The following SFPQ variants were observed in gnomAD, a reference collection of about 807,000 sequenced individuals.
SFPQ encodes the protein splicing factor proline and glutamine rich, also known as splicing factor, proline- and glutamine-rich.
In SFPQ, 11 loss-of-function variants were observed where a neutral mutation model predicts 72.9. The observed-to-expected ratio is 0.15, with a 90% CI of 0.09 to 0.25. The LOEUF is 0.25. Ranked by LOEUF, SFPQ falls within the 10% of genes least tolerant of loss-of-function variation. SFPQ has a pLI of 1.00. For synonymous variants in SFPQ, 506 were observed against 367.3 expected (o/e 1.38, Z -4.32); for missense variants, 847 against 993.3 (o/e 0.85, Z 1.98).
rs1367339996 is a variant in SFPQ, at chr1:35,191,994, T to C, written c.828+228A>G. On this transcript the variant is annotated intron_variant, in intron 1 of 9. Coordinates refer to ENST00000357214, the MANE Select transcript of SFPQ (RefSeq NM_005066.3). Reference sequence around the variant, plus strand: ...CCGACCACCGCGGCCCCGCGCTTCCTTCCGAAAGGAAACCTCCCCTAGCCT... The same window carrying C: ...CCGACCACCGCGGCCCCGCGCTTCCCTCCGAAAGGAAACCTCCCCTAGCCT... Among the ~76,000 whole-genome samples the C allele has an allele frequency of 2.6e-5, 4 of 152,120 alleles. No individual in the cohort carries two copies. The East Asian group carries it at 5.8e-4, about 22-fold the overall frequency.
chr1:35,191,590 G>A (rs1639999317), intron 1 of SFPQ, 61 bp from the exon 2 acceptor site: 6 of 1,327,886 alleles, frequency 4.5e-6, no homozygotes, highest in Non-Finnish European at 6.3e-6. Context: ...AAATCCCCAA[G>A]ATAGTATTTG....
chr1:35,179,911 T>C, downstream of SFPQ: 1 of 1,055,070 alleles, frequency 9.5e-7, no homozygotes, highest in Non-Finnish European at 1.1e-6. Context: ...CTATGTAATT[T>C]AGTGATACTC....
rs566723766 is a variant in SFPQ at position 35,188,404 on chromosome 1, G to A, written c.1698-314C>T. Among the ~76,000 whole-genome samples the A allele has an allele frequency of 9.8e-5, 15 of 152,312 alleles. No individual in the cohort carries two copies. In the East Asian group the frequency reaches 1.7e-3, roughly 18 times the overall value. ...TCAGAATATAAATGTTAGTGCATAAGTCAAGGATTAAGGCCAGGGTTGGTA... is the reference window on the plus strand; with the variant it reads ...TCAGAATATAAATGTTAGTGCATAAATCAAGGATTAAGGCCAGGGTTGGTA... On this transcript the variant is annotated intron_variant, in intron 6 of 9. Coordinates refer to ENST00000357214, the MANE Select transcript of SFPQ (RefSeq NM_005066.3).
rs952567768 is a variant in SFPQ at position 35,183,809 on chromosome 1, A to G, written c.*647T>C. 2.8e-6 allele frequency: 3 copies of G among 1,055,786 alleles called. No individual in the cohort carries two copies. The African/African-American group carries it at 5.0e-5, about 17-fold the overall frequency. The allele number at this position is 1,055,786 out of a possible 1,614,324, so 65.4% of individuals were successfully genotyped here. On this transcript the variant is annotated 3_prime_UTR_variant, in exon 10 of 10. Coordinates refer to ENST00000357214, the MANE Select transcript of SFPQ (RefSeq NM_005066.3). Reference sequence around the variant, plus strand: ...ACTTTCACCCCCTACCAATTGTCTTACACCCATTCCACAATCTTAATACAT... The same window carrying G: ...ACTTTCACCCCCTACCAATTGTCTTGCACCCATTCCACAATCTTAATACAT...
Position 35,193,058 on chromosome 1 carries a change from T to C in SFPQ, c.-9A>G, listed in dbSNP as rs1300316799. 1 of 1,552,678 alleles carries C rather than the reference T, an allele frequency of 6.4e-7. No homozygotes were observed. The highest frequency in any genetic ancestry group is 2.4e-5 in the East Asian group (1 of 40,848). ...AACCGATCCCGAGACATGTCTGTGG[T>C]CAAGGGGCGGTCGAGGCAAAAGCGA... On this transcript the variant is annotated 5_prime_UTR_variant, in exon 1 of 10. Coordinates refer to ENST00000357214, the MANE Select transcript of SFPQ (RefSeq NM_005066.3).
At chr1:35,181,516 G>A, downstream of SFPQ, 2 of 1,063,142 alleles carry the variant, frequency 1.9e-6, no homozygotes, top group African/African-American at 1.6e-5. Flanking sequence ...AATGTTCTAA[G>A]CAAAGAGGAT....
Position 35,192,307 on chromosome 1 carries a change from TG to T in SFPQ, c.742del (p.His248ThrfsTer38). ...GGEPRGGRQH[H>X]PPYHQQHHQG... ...GTGATGCTGCTGGTGGTAGGGCGGG[TG>T]GTGCTGGCGGCCCCCGCGGGGCTCC... is the stretch of plus-strand genomic sequence containing the variant. On this transcript the variant is annotated frameshift_variant, in exon 1 of 10. Transcript: ENST00000357214. LOFTEE classifies it high-confidence loss of function. 1 of 1,446,692 alleles carries T rather than the reference TG, an allele frequency of 6.9e-7. No homozygotes were observed. The highest frequency in any genetic ancestry group is 9.0e-7 in the Non-Finnish European group (1 of 1,109,946). The allele number at this position is 1,446,692 out of a possible 1,614,324, so 89.6% of individuals were successfully genotyped here.
At chr1:35,180,203 T>G, downstream of SFPQ, 2 of 1,051,606 alleles carry the variant, frequency 1.9e-6, no homozygotes, top group Non-Finnish European at 2.3e-6. Context: ...ACATTATACA[T>G]GAAAACTGTC....
chr1:35,187,881 G>T, intron 7 of SFPQ, 92 bp downstream of exon 7: 1 of 748,294 alleles, frequency 1.3e-6, no homozygotes, highest in Non-Finnish European at 2.2e-6. Flanking sequence ...GAAAATAACT[G>T]TAATTTGATA....
rs980985132 is a variant in SFPQ at position 35,192,384 on chromosome 1, C to G, written c.666G>C (p.Pro222=). 9.2e-6 allele frequency: 13 copies of G among 1,409,122 alleles called. No homozygotes were observed. The highest frequency in any genetic ancestry group is 4.6e-5 in the African/African-American group (3 of 65,932). The allele number at this position is 1,409,122 out of a possible 1,614,324, so 87.3% of individuals were successfully genotyped here. The part of the protein sequence containing the change: ...MPGGPKPGGG[P]GLSTPGGHPK... ...GGTGGCCGCCAGGCGTACTTAGGCCCGGGCCGCCACCTGGCTTCGGCCCGC... is the reference window on the plus strand; with the variant it reads ...GGTGGCCGCCAGGCGTACTTAGGCCGGGGCCGCCACCTGGCTTCGGCCCGC... The change falls in exon 1 of 10, where the codon CCG becomes CCC. Residue 222 remains proline (P), a synonymous_variant. Coordinates refer to ENST00000357214, the MANE Select transcript of SFPQ (RefSeq NM_005066.3).
chr1:35,191,620 T>C, intron 1 of SFPQ, 91 bp from the exon 2 acceptor site: 1 of 975,910 alleles, frequency 1.0e-6, no homozygotes, highest in Non-Finnish European at 1.5e-6. Context: ...AACCTATCAG[T>C]TGCCTTTCTG....
chr1:35,192,401 T>C lies in SFPQ; in HGVS notation c.649A>G (p.Lys217Glu). 1 of 1,420,698 alleles carries C rather than the reference T, an allele frequency of 7.0e-7. No homozygotes were observed. The highest frequency in any genetic ancestry group is 9.1e-7 in the Non-Finnish European group (1 of 1,095,492). 88.0% of individuals were successfully genotyped at this position (1,420,698 alleles called of 1,614,324 possible). A position where few individuals can be genotyped will look rare whatever the true frequency, so the allele number is the denominator to read the frequency against. Residue 217 changes from lysine to glutamate, a missense_variant, in exon 1 of 10, where the codon AAG (lysine) becomes GAG (glutamate). Coordinates refer to ENST00000357214, the MANE Select transcript of SFPQ (RefSeq NM_005066.3). ...CTTAGGCCCGGGCCGCCACCTGGCT[T>C]CGGCCCGCCAGGCATTTTGCCGCCT... is the stretch of plus-strand genomic sequence containing the variant. ...PKGGKMPGGP[K>E]PGGGPGLSTP...
intron 4 of SFPQ, chr1:35,177,659 A>G (rs1271938820): frequency 6.5e-6 from 1 of 153,732 alleles, no homozygotes; most frequent in African/African-American, 2.4e-5. Flanking sequence ...TCTTAAGTAA[A>G]AAAAGAATCA....
chr1:35,186,970 C>T (rs1639750343), intron 9 of SFPQ, 31 bp downstream of exon 9: 2 of 1,576,840 alleles, frequency 1.3e-6, no homozygotes, highest in South Asian at 1.1e-5. Flanking sequence ...ATGAGAATTT[C>T]CTTGGTACTA....
In SFPQ at chr1:35,192,570, G is replaced by A. The variant is rs973103016; in HGVS notation, c.480C>T (p.Ala160=). 2.6e-5 allele frequency: 35 copies of A among 1,335,446 alleles called. No homozygotes were observed. Among genetic ancestry groups the A allele is most frequent in the African/African-American group, 4.6e-5 (3 of 64,712 alleles). 82.7% of individuals were successfully genotyped at this position (1,335,446 alleles called of 1,614,324 possible). The stretch of plus-strand genomic sequence containing the variant: ...GGGTGGGTGGCGGCGCCCCGGGAGG[G>A]GCCGAGGTGACTGCAGGCGGCGGGG... ...TPTPPPAVTS[A]PPGAPPPTPP... Residue 160 remains alanine, a synonymous_variant, in exon 1 of 10, where the codon GCC becomes GCT. Coordinates refer to ENST00000357214, the MANE Select transcript of SFPQ (RefSeq NM_005066.3).
chr1:35,185,008 C>T (rs552499838), intron 9 of SFPQ, among the ~76,000 whole-genome samples: 2 of 152,346 alleles, frequency 1.3e-5, no homozygotes, highest in Non-Finnish European at 2.9e-5. Flanking sequence ...ACCAGAGATT[C>T]AATTCACTCA....
chr1:35,192,370 G>C lies in SFPQ; in HGVS notation c.680C>G (p.Pro227Arg). The change falls in exon 1 of 10, where the codon CCT becomes CGT. Residue 227 changes from proline to arginine, a missense_variant. Around this residue, in one of 6 missense-constraint regions of SFPQ, gnomAD observed 498 missense variants for 405.1 expected, o/e 1.23. Coordinates refer to ENST00000357214, the MANE Select transcript of SFPQ (RefSeq NM_005066.3). The stretch of plus-strand genomic sequence containing the variant: ...ATGCGGCGGCTTGGGGTGGCCGCCA[G>C]GCGTACTTAGGCCCGGGCCGCCACC... The part of the protein sequence containing the change: ...KPGGGPGLST[P>R]GGHPKPPHRG... The C allele has an allele frequency of 7.2e-7, 1 of 1,391,228 alleles. No individual in the cohort carries two copies. The highest frequency in any genetic ancestry group is 9.2e-7 in the Non-Finnish European group (1 of 1,084,888). The allele number at this position is 1,391,228 out of a possible 1,614,324, so 86.2% of individuals were successfully genotyped here. A position where few individuals can be genotyped will look rare whatever the true frequency, so the allele number is the denominator to read the frequency against.
At position 35,185,531 on chromosome 1, in the gene SFPQ, A is replaced by G. The variant is rs545894758; in HGVS notation, c.1987-938T>C. ...GGAGATAGAAGTTTTCAATAGAAAC[A>G]TATGTGCCTAAATAGCAGACCCCTC... On this transcript the variant is annotated intron_variant, in intron 9 of 9. Coordinates refer to ENST00000357214, the MANE Select transcript of SFPQ (RefSeq NM_005066.3). Among the ~76,000 whole-genome samples the G allele has an allele frequency of 8.5e-5, 13 of 152,242 alleles. No homozygotes were observed. The East Asian group carries it at 1.5e-3, about 18-fold the overall frequency.
Position 35,192,264 on chromosome 1 carries a change from G to T in SFPQ, c.786C>A (p.Gly262=). Residue 262 remains glycine (G), a synonymous_variant, in exon 1 of 10, where the codon GGC becomes GGA. Transcript: ENST00000357214. The part of the protein sequence containing the change: ...HQQHHQGPPP[G]GPGGRSEEKI... ...TCTCCTCGCTGCGGCCGCCGGGCCC[G>T]CCGGGCGGGGGCCCCTGGTGATGCT... The T allele has an allele frequency of 6.8e-7, 1 of 1,462,742 alleles. No homozygotes were observed. The allele number at this position is 1,462,742 out of a possible 1,614,324, so 90.6% of individuals were successfully genotyped here.
Sources: gnomAD v4.1 joint callset for allele counts (sites outside exome capture counted in the v4.1 genomes callset) on GRCh38, gnomAD v4.1.1 for gene constraint, gnomAD v4.1.1 regional missense constraint, MANE v1.5 for transcripts, NCBI Gene and HGNC (gene_info 2026-07-23, HGNC 2026-07-21) for gene names.